The following TOX variants were observed in gnomAD, a reference collection of about 807,000 sequenced individuals.
The protein encoded by TOX is thymocyte selection associated high mobility group box, also known as thymocyte selection-associated high mobility group box protein TOX.
In TOX, 11 loss-of-function variants were observed where a neutral mutation model predicts 53.7. The observed-to-expected ratio is 0.20, with a 90% CI of 0.13 to 0.34. The LOEUF (loss-of-function observed/expected upper bound fraction) is 0.34, where lower values mean the gene tolerates loss of function less well. TOX is among the 10% of genes least tolerant of loss of function. The probability of loss-of-function intolerance (pLI) is 1.00; values close to 1 mark genes in which losing one functional copy is unlikely to be tolerated. For missense variants in TOX, 570 were observed against 664.6 expected, an observed-to-expected ratio of 0.86 and a Z score of 1.56; for synonymous variants, 225 against 245.3, an observed-to-expected ratio of 0.92 and a Z score of 0.77.
At chr8:58,861,927 A>T (rs113265304) in intron 3 of TOX, among the ~76,000 whole-genome samples, 1 of 152,192 alleles carries the variant, frequency 6.6e-6, no homozygotes, top group Non-Finnish European at 1.5e-5. Context: ...TACACGTGAC[A>T]TTCAGCTTAA....
intron 3 of TOX, among the ~76,000 whole-genome samples, chr8:58,853,991 G>C (rs1176658306): frequency 6.6e-6 from 1 of 152,172 alleles, no homozygotes; most frequent in African/African-American, 2.4e-5. Flanking sequence ...TTAGCATGCA[G>C]AAAAGCTCCC....
intron 1 of TOX, among the ~76,000 whole-genome samples, chr8:58,995,272 T>C (rs1813540855): frequency 6.6e-6 from 1 of 152,216 alleles, no homozygotes; most frequent in African/African-American, 2.4e-5. Context: ...TTGTATTTCA[T>C]AAGCTAAATA....
At chr8:58,925,591 G>GCA (rs1184628944) in intron 3 of TOX, among the ~76,000 whole-genome samples, 1 of 152,176 alleles carries the variant, frequency 6.6e-6, no homozygotes, top group Admixed American at 6.5e-5. Context: ...ATATGAGGCG[G>GCA]CAGCTAAAGT....
At chr8:58,866,549 A>C (rs540750433) in intron 3 of TOX, among the ~76,000 whole-genome samples, 1 of 152,332 alleles carries the variant, frequency 6.6e-6, no homozygotes, top group Admixed American at 6.5e-5. Context: ...CAATGCCCCC[A>C]GGCAATCTTA....
chr8:58,843,461 T>C (rs1025529118), intron 4 of TOX, among the ~76,000 whole-genome samples: 2 of 152,214 alleles, frequency 1.3e-5, no homozygotes, highest in African/African-American at 4.8e-5. Context: ...GGAAAAACTA[T>C]GAATGAAAGA....
chr8:58,951,708 C>T (rs1812624772), intron 2 of TOX, among the ~76,000 whole-genome samples: 2 of 152,182 alleles, frequency 1.3e-5, no homozygotes, highest in South Asian at 2.1e-4. Flanking sequence ...GGAAAGCCTT[C>T]GTTACTGGTC....
At chr8:58,982,480 C>G (rs1488800469) in intron 1 of TOX, among the ~76,000 whole-genome samples, 1 of 152,204 alleles carries the variant, frequency 6.6e-6, no homozygotes, top group African/African-American at 2.4e-5. Context: ...CAAGGCTCAA[C>G]TCTTCTTCCC....
chr8:58,991,036 G>A (rs1813435218), intron 1 of TOX, among the ~76,000 whole-genome samples: 1 of 152,134 alleles, frequency 6.6e-6, no homozygotes. Flanking sequence ...AGCCTCATAA[G>A]AATAATATAT....
chr8:59,016,054 A>G (rs1045334534), intron 1 of TOX, among the ~76,000 whole-genome samples: 17 of 152,284 alleles, frequency 1.1e-4, no homozygotes, highest in African/African-American at 3.1e-4. Flanking sequence ...AAATTAGTTT[A>G]AAGAAATCCA....
intron 1 of TOX, among the ~76,000 whole-genome samples, chr8:59,030,719 G>T (rs189294436): frequency 1.3e-5 from 2 of 152,136 alleles, no homozygotes; most frequent in Admixed American, 6.6e-5. Flanking sequence ...TGTTCCAACG[G>T]TAATAAAACA....
intron 3 of TOX, among the ~76,000 whole-genome samples, chr8:58,933,295 G>A (rs1017697120): frequency 5.3e-5 from 8 of 152,086 alleles, no homozygotes; most frequent in Admixed American, 2.6e-4. Flanking sequence ...TAAGTGCAGC[G>A]GTGAATATAC....
chr8:58,838,009 C>T, intron 5 of TOX, 72 bp downstream of exon 5: 1 of 1,432,016 alleles, frequency 7.0e-7, no homozygotes, highest in Admixed American at 1.9e-5. Context: ...TACCCCAAGC[C>T]CTGGGAGGCC....
chr8:59,002,909 A>C lies in TOX; in HGVS notation c.103-42901T>G, dbSNP rs550882333. The stretch of plus-strand genomic sequence containing the variant: ...ATTGTTGGAAATGGTGCCTCAGGTG[A>C]AACACAAGGGGTATATAGATGCTTA... On this transcript the variant is annotated intron_variant, in intron 1 of 8. Transcript: ENST00000361421. Among the ~76,000 whole-genome samples, 6 of 152,352 alleles carry C rather than the reference A, an allele frequency of 3.9e-5. No individual in the cohort carries two copies. The East Asian group carries it at 1.2e-3, about 29-fold the overall frequency.
Position 59,007,504 on chromosome 8 carries a change from G to T in TOX, c.103-47496C>A, listed in dbSNP as rs115456670. Among the ~76,000 whole-genome samples the T allele has an allele frequency of 5.9e-3, 896 of 152,102 alleles. 4 individuals are homozygous for T. The highest frequency in any genetic ancestry group is 0.021 in the African/African-American group (856 of 41,468). On this transcript the variant is annotated intron_variant, in intron 1 of 8. Transcript: ENST00000361421. ...TATTTTCAGAAAAAAAATATGAAGG[G>T]ATCCACAACATTCAGCTCAGGATGG... is the stretch of plus-strand genomic sequence containing the variant.
intron 2 of TOX, among the ~76,000 whole-genome samples, chr8:58,959,575 A>T (rs1812767152): frequency 6.6e-6 from 1 of 152,244 alleles, no homozygotes; most frequent in Admixed American, 6.5e-5. Flanking sequence ...ACCATTGATA[A>T]TTAAAGCTAT....
At chr8:58,848,095 G>C (rs1315761227) in intron 4 of TOX, among the ~76,000 whole-genome samples, 2 of 152,006 alleles carry the variant, frequency 1.3e-5, no homozygotes, top group African/African-American at 2.4e-5. Context: ...ACTATAATTA[G>C]AATGAACAAC....
intron 1 of TOX, among the ~76,000 whole-genome samples, chr8:58,988,105 T>C (rs1478600038): frequency 6.6e-6 from 1 of 152,144 alleles, no homozygotes; most frequent in Non-Finnish European, 1.5e-5. Flanking sequence ...AAAGTAAACA[T>C]TGGATGAACA....
chr8:58,988,585 A>G (rs1813381555), intron 1 of TOX, among the ~76,000 whole-genome samples: 1 of 152,244 alleles, frequency 6.6e-6, no homozygotes, highest in Non-Finnish European at 1.5e-5. Flanking sequence ...TTCTCAAACT[A>G]TGACTCACAA....
At chr8:58,974,977 T>A (rs1396052954) in intron 1 of TOX, among the ~76,000 whole-genome samples, 2 of 151,994 alleles carry the variant, frequency 1.3e-5, no homozygotes, top group East Asian at 3.8e-4. Context: ...TAATTCTTCA[T>A]AGGTACACAA....
Sources: allele counts gnomAD v4.1 joint callset (sites outside exome capture counted in the v4.1 genomes callset), GRCh38; gene constraint gnomAD v4.1.1; transcripts MANE v1.5; gene names NCBI Gene and HGNC (gene_info 2026-07-23, HGNC 2026-07-21).